The following MYO1H variants were observed in gnomAD, a reference collection of about 807,000 sequenced individuals.
MYO1H encodes the protein myosin IH.
Under a neutral mutation model 149.3 loss-of-function variants are expected in MYO1H, and 118 were observed. The ratio of observed to expected loss-of-function variants is 0.79; its 90% CI spans 0.68 to 0.92. The LOEUF (loss-of-function observed/expected upper bound fraction) is 0.92, where lower values mean the gene tolerates loss of function less well. Ranked by LOEUF, MYO1H falls within the 40% of genes least tolerant of loss-of-function variation. MYO1H has a pLI of 0.00. For synonymous variants in MYO1H, 447 were observed against 465.2 expected (o/e 0.96, Z 0.50); for missense variants, 1,212 against 1,280.7 (o/e 0.95, Z 0.82).
the MYO1H span, among the ~76,000 whole-genome samples, chr12:109,316,137 C>T: frequency 2.8e-5 from 4 of 142,750 alleles, no homozygotes; most frequent in African/African-American, 1.0e-4. Flanking sequence ...ATGCTTCAAG[C>T]CACCTCTTTT....
chr12:109,434,708 C>T (rs1871784501), intron 20 of MYO1H, among the ~76,000 whole-genome samples: 1 of 152,204 alleles, frequency 6.6e-6, no homozygotes, highest in African/African-American at 2.4e-5. Context: ...GGCAGGGCCA[C>T]ATTCCTGCGG....
chr12:109,332,725 A>G, the MYO1H span, among the ~76,000 whole-genome samples: 2 of 152,214 alleles, frequency 1.3e-5, no homozygotes, highest in African/African-American at 4.8e-5. Context: ...CTACAGGCAC[A>G]TGCCACCATA....
chr12:109,349,152 G>A lies in MYO1H; in HGVS notation c.12+1180G>A, dbSNP rs779570277. Among the ~76,000 whole-genome samples, 32 of 152,200 alleles carry A rather than the reference G, an allele frequency of 2.1e-4. 1 individual carries two copies. The highest frequency in any genetic ancestry group is 9.2e-4 in the Admixed American group (14 of 15,288). The stretch of plus-strand genomic sequence containing the variant: ...GAGAGGAGTATTTGCTGTAGGTCTT[G>A]CAGTGAAAGACAACAGATAGGTCTG... On this transcript the variant is annotated intron_variant, in intron 1 of 31. Transcript: ENST00000310903.
At chr12:109,418,125 G>T (rs1871011781) in intron 15 of MYO1H, among the ~76,000 whole-genome samples, 2 of 151,540 alleles carry the variant, frequency 1.3e-5, no homozygotes. Flanking sequence ...CTAAGATTGG[G>T]TTGTTTTTCA....
intron 15 of MYO1H, 100 bp from the exon 16 acceptor site, chr12:109,420,881 G>T: frequency 1.4e-6 from 1 of 731,212 alleles, no homozygotes; most frequent in East Asian, 2.6e-5. Context: ...CTAATCCTAA[G>T]AAATTCTTTT....
chr12:109,398,741 CAAAAAAAAAAAAA>C (rs35031072), intron 5 of MYO1H, among the ~76,000 whole-genome samples: 2 of 52,006 alleles, frequency 3.8e-5, no homozygotes, highest in East Asian at 5.2e-4. Context: ...AACTTCCTCT[CAAAAAAAAAAAAA>C]AAAAAAAAAA....
At chr12:109,322,371 A>G in the MYO1H span, among the ~76,000 whole-genome samples, 5 of 152,326 alleles carry the variant, frequency 3.3e-5, no homozygotes, top group East Asian at 3.9e-4. Flanking sequence ...AGTATCTACA[A>G]TGCATTTCAA....
chr12:109,399,289 C>T (rs1870052109), intron 5 of MYO1H, among the ~76,000 whole-genome samples: 2 of 152,170 alleles, frequency 1.3e-5, no homozygotes, highest in Admixed American at 6.5e-5. Flanking sequence ...CAGATCAAGA[C>T]ATAAAAATTT....
chr12:109,418,006 C>T (rs141946005), intron 15 of MYO1H, among the ~76,000 whole-genome samples: 232 of 151,536 alleles, frequency 1.5e-3, no homozygotes, highest in African/African-American at 5.0e-3. Context: ...GTAGTAGAGA[C>T]GGGGTTTCAC....
chr12:109,432,086 T>C (rs1871650028), intron 19 of MYO1H, among the ~76,000 whole-genome samples: 1 of 147,276 alleles, frequency 6.8e-6, no homozygotes, highest in African/African-American at 2.5e-5. Context: ...ACTGCAAGCT[T>C]CGCCTCCCAG....
At chr12:109,414,560 T>G (rs1263498475) in intron 14 of MYO1H, among the ~76,000 whole-genome samples, 1 of 151,926 alleles carries the variant, frequency 6.6e-6, no homozygotes, top group African/African-American at 2.4e-5. Context: ...TTTTAGTCTC[T>G]CAACATTATA....
At chr12:109,342,464 A>G in the MYO1H span, among the ~76,000 whole-genome samples, 5 of 140,820 alleles carry the variant, frequency 3.6e-5, no homozygotes, top group African/African-American at 1.1e-4. Context: ...TTTAATGTAT[A>G]TATTCATTTT....
chr12:109,426,694 C>G (rs538213972), intron 18 of MYO1H, among the ~76,000 whole-genome samples: 24 of 152,228 alleles, frequency 1.6e-4, no homozygotes, highest in Non-Finnish European at 3.1e-4. Context: ...CGAAAATGAT[C>G]TATGACTTGG....
intron 2 of MYO1H, among the ~76,000 whole-genome samples, chr12:109,392,908 CAA>C (rs1869716883): frequency 6.6e-6 from 1 of 151,704 alleles, no homozygotes; most frequent in Non-Finnish European, 1.5e-5. Flanking sequence ...CTCCTGGGTT[CAA>C]GAGATTCTCC....
At chr12:109,407,656 C>A in intron 9 of MYO1H, 138 bp from the exon 10 acceptor site, 4 of 768,264 alleles carry the variant, frequency 5.2e-6, no homozygotes, top group South Asian at 2.9e-5. Flanking sequence ...GTAGTCCCAG[C>A]TACTGCATTC....
At chr12:109,351,396 A>G (rs895342988) in intron 1 of MYO1H, among the ~76,000 whole-genome samples, 12 of 152,158 alleles carry the variant, frequency 7.9e-5, no homozygotes, top group African/African-American at 1.4e-4. Flanking sequence ...CCGTGGGGGG[A>G]AAAAGCCAAA....
chr12:109,444,562 TTC>T (rs1199246654), intron 30 of MYO1H, 33 bp downstream of exon 30: 44 of 1,538,618 alleles, frequency 2.9e-5, no homozygotes, highest in Non-Finnish European at 3.6e-5. Flanking sequence ...CAGGAAGTAA[TTC>T]AATGTTAAAA....
chr12:109,381,924 C>T (rs1314288943), intron 1 of MYO1H, among the ~76,000 whole-genome samples: 2 of 152,212 alleles, frequency 1.3e-5, no homozygotes. Flanking sequence ...TGGGAGGAAG[C>T]AGTGGAACCA....
At chr12:109,422,069 CCTCA>C (rs1871197579) in intron 16 of MYO1H, among the ~76,000 whole-genome samples, 1 of 152,164 alleles carries the variant, frequency 6.6e-6, no homozygotes, top group African/African-American at 2.4e-5. Flanking sequence ...GATCCTCCCA[CCTCA>C]CTCTCCCAAA....
Sources: gnomAD v4.1 joint callset for allele counts (sites outside exome capture counted in the v4.1 genomes callset) on GRCh38, gnomAD v4.1.1 for gene constraint, MANE v1.5 for transcripts, NCBI Gene and HGNC (gene_info 2026-07-23, HGNC 2026-07-21) for gene names.